The following SAMD12 variants were observed in gnomAD, a reference collection of about 807,000 sequenced individuals.
The protein encoded by SAMD12 is sterile alpha motif domain-containing protein 12.
Under a neutral mutation model 15.0 loss-of-function variants are expected in SAMD12, and 9 were observed. The ratio of observed to expected loss-of-function variants is 0.60; its 90% confidence interval spans 0.36 to 1.05. The LOEUF (loss-of-function observed/expected upper bound fraction) is 1.05. SAMD12 is among the 50% of genes least tolerant of loss of function. SAMD12 has a pLI of 0.01. For synonymous variants in SAMD12, 86 were observed against 90.1 expected (o/e 0.96, Z 0.25); for missense variants, 230 against 234.2 (o/e 0.98, Z 0.12).
chr8:118,495,218 C>G (rs1032651369), intron 2 of SAMD12, among the ~76,000 whole-genome samples: 5 of 152,172 alleles, frequency 3.3e-5, no homozygotes, highest in Admixed American at 1.3e-4. Context: ...CTGAAGTCAT[C>G]AGATTGTCAT....
chr8:118,369,282 A>C (rs990733592), intron 4 of SAMD12, among the ~76,000 whole-genome samples: 1 of 152,220 alleles, frequency 6.6e-6, no homozygotes, highest in African/African-American at 2.4e-5. Flanking sequence ...ATCTTTGACA[A>C]ACCTGACAAA....
intron 3 of SAMD12, among the ~76,000 whole-genome samples, chr8:118,415,448 G>GGGGT (rs1554658041): frequency 2.1e-4 from 30 of 142,952 alleles, no homozygotes; most frequent in South Asian, 7.3e-4. Flanking sequence ...CTTGTCCTAA[G>GGGGT]GTGTGTGTGT....
Position 118,324,748 on chromosome 8 carries a change from G to C in SAMD12, c.433+54812C>G, listed in dbSNP as rs546931551. Among the ~76,000 whole-genome samples the C allele has an allele frequency of 4.6e-5, 7 of 152,306 alleles. No homozygotes were observed. In the South Asian group the frequency reaches 1.4e-3, roughly 32 times the overall value. ...CCAAAGTAAACAGAAGCAGGAAAGAGCATGGTGTTCATGGGACCGCAAGTG... is the reference window on the plus strand; with the variant it reads ...CCAAAGTAAACAGAAGCAGGAAAGACCATGGTGTTCATGGGACCGCAAGTG... On this transcript the variant is annotated intron_variant, in intron 4 of 4. Transcript: ENST00000409003.
At chr8:118,503,677 A>C (rs192393804) in intron 2 of SAMD12, among the ~76,000 whole-genome samples, 1 of 152,248 alleles carries the variant, frequency 6.6e-6, no homozygotes, top group East Asian at 1.9e-4. Flanking sequence ...AGTCAGGAGA[A>C]GGGATTACAA....
chr8:118,256,655 C>T (rs75961060), intron 4 of SAMD12, among the ~76,000 whole-genome samples: 18 of 152,006 alleles, frequency 1.2e-4, no homozygotes, highest in Admixed American at 3.9e-4. Context: ...TGATTCAAAT[C>T]TTAAAAGAGT....
At chr8:118,464,353 C>G (rs886368300) in intron 2 of SAMD12, among the ~76,000 whole-genome samples, 3 of 152,112 alleles carry the variant, frequency 2.0e-5, no homozygotes, top group African/African-American at 7.2e-5. Context: ...TATTTCCACT[C>G]GCCCACGACA....
At chr8:118,548,474 T>TAA (rs1310078407) in intron 2 of SAMD12, among the ~76,000 whole-genome samples, 1 of 152,104 alleles carries the variant, frequency 6.6e-6, no homozygotes, top group Non-Finnish European at 1.5e-5. Flanking sequence ...TTATGGTGTC[T>TAA]AGTTGTTTGG....
chr8:118,380,467 C>T (rs544346354), intron 3 of SAMD12, among the ~76,000 whole-genome samples: 53 of 152,298 alleles, frequency 3.5e-4, no homozygotes, highest in African/African-American at 1.2e-3. Flanking sequence ...CTCTCTTCAA[C>T]CTTTCTTTCC....
chr8:118,309,115 A>G (rs966810283), intron 4 of SAMD12, among the ~76,000 whole-genome samples: 1 of 152,124 alleles, frequency 6.6e-6, no homozygotes, highest in Admixed American at 6.6e-5. Flanking sequence ...CACTGCACCC[A>G]AAGTGTAGTC....
chr8:118,265,569 A>G lies in SAMD12; in HGVS notation c.434-67837T>C, dbSNP rs76928122. ...GAATATCAAAGATGTAAGATAAAAT[A>G]GTGTATTGGCTGTGTGTCCTTGTTT... On this transcript the variant is annotated intron_variant, in intron 4 of 4. Coordinates refer to the SAMD12 transcript ENST00000409003. Among the ~76,000 whole-genome samples, 660 of 152,192 alleles carry G rather than the reference A, an allele frequency of 4.3e-3. 1 individual carries two copies. The highest frequency in any genetic ancestry group is 0.015 in the African/African-American group (623 of 41,538).
At chr8:118,577,132 A>G (rs940304224) in intron 2 of SAMD12, among the ~76,000 whole-genome samples, 1 of 152,014 alleles carries the variant, frequency 6.6e-6, no homozygotes, top group Non-Finnish European at 1.5e-5. Context: ...TTTTATTTCC[A>G]TCTAGACTGT....
At position 118,461,350 on chromosome 8, in the gene SAMD12, A is replaced by C. The variant is rs965062804; in HGVS notation, c.193-21389T>G. 3.9e-5 allele frequency among the ~76,000 whole-genome samples: 6 copies of C among 152,272 alleles called. No individual in the cohort carries two copies. In the South Asian group the frequency reaches 1.2e-3, roughly 31 times the overall value. The stretch of plus-strand genomic sequence containing the variant: ...TAACAAAGGTTCAGATAGCCAAGAC[A>C]GAACACATTATACTATGGATGTTTC... On this transcript the variant is annotated intron_variant, in intron 2 of 3. Coordinates refer to ENST00000314727, the MANE Select transcript of SAMD12 (RefSeq NM_207506.3).
the SAMD12 span, among the ~76,000 whole-genome samples, chr8:118,147,464 G>T: frequency 6.6e-6 from 1 of 150,738 alleles, no homozygotes; most frequent in African/African-American, 2.4e-5. Flanking sequence ...CGGTTCAAGT[G>T]ACTCTCCTGT....
the SAMD12 span, among the ~76,000 whole-genome samples, chr8:118,171,304 C>T: frequency 2.9e-4 from 44 of 152,104 alleles, no homozygotes; most frequent in African/African-American, 1.0e-3. Context: ...ATCATGTGAC[C>T]CAGTGATTAT....
chr8:118,424,030 T>C (rs764504389), intron 3 of SAMD12, among the ~76,000 whole-genome samples: 3 of 152,130 alleles, frequency 2.0e-5, no homozygotes, highest in Non-Finnish European at 4.4e-5. Flanking sequence ...TAAGTATATG[T>C]TTAGGAAATG....
intron 3 of SAMD12, among the ~76,000 whole-genome samples, chr8:118,437,187 G>A (rs943849726): frequency 2.0e-5 from 3 of 152,156 alleles, no homozygotes; most frequent in Admixed American, 6.5e-5. Flanking sequence ...CTGAAGTCCC[G>A]AAAGCTATTT....
chr8:118,613,403 G>A (rs1301561926), intron 1 of SAMD12, among the ~76,000 whole-genome samples: 1 of 152,116 alleles, frequency 6.6e-6, no homozygotes, highest in Non-Finnish European at 1.5e-5. Flanking sequence ...GAAAGTATGT[G>A]TTAATTCTTA....
intron 2 of SAMD12, among the ~76,000 whole-genome samples, chr8:118,568,583 G>T (rs1173930410): frequency 1.3e-5 from 2 of 152,104 alleles, no homozygotes; most frequent in African/African-American, 4.8e-5. Flanking sequence ...CCTCAAGTGA[G>T]AAAAACAAAA....
chr8:118,146,322 A>G, the SAMD12 span, among the ~76,000 whole-genome samples: 1 of 152,178 alleles, frequency 6.6e-6, no homozygotes, highest in African/African-American at 2.4e-5. Context: ...CATTGCAGGG[A>G]GGTGATAGCA....
Sources: gnomAD v4.1 joint callset for allele counts (sites outside exome capture counted in the v4.1 genomes callset) on GRCh38, gnomAD v4.1.1 for gene constraint, MANE v1.5 for transcripts, NCBI Gene and HGNC (gene_info 2026-07-23, HGNC 2026-07-21) for gene names.